PRAG1: variants seen among roughly 807,000 people sequenced by gnomAD.
PRAG1 encodes the protein inactive tyrosine-protein kinase PRAG1.
A neutral mutation model predicts 95.6 loss-of-function variants in PRAG1; 110 were observed. The observed-to-expected ratio is 1.15, with a 90% CI of 0.99 to 1.35. The LOEUF is 1.35. Among genes scored for constraint, PRAG1 ranks in the 40% most tolerant of loss-of-function variants. PRAG1 has a pLI of 0.00. For missense variants in PRAG1, 2,554 were observed against 1,864.7 expected (o/e 1.37, Z -6.81); for synonymous variants, 1,052 against 819.4 (o/e 1.28, Z -4.85).
chr8:8,369,106 A>C (rs1363806202), intron 3 of PRAG1, among the ~76,000 whole-genome samples: 1 of 152,076 alleles, frequency 6.6e-6, no homozygotes, highest in East Asian at 1.9e-4. Context: ...TGTTCTGTTG[A>C]GCGAGAATAG....
chr8:8,345,285 C>A (rs1224325081), intron 3 of PRAG1, among the ~76,000 whole-genome samples: 2 of 149,082 alleles, frequency 1.3e-5, no homozygotes, highest in African/African-American at 5.0e-5. Flanking sequence ...AATCCCAGCA[C>A]TTTAGGAGGC....
chr8:8,327,288 G>A (rs1285929777), intron 5 of PRAG1, among the ~76,000 whole-genome samples: 3 of 152,198 alleles, frequency 2.0e-5, no homozygotes, highest in Non-Finnish European at 4.4e-5. Context: ...AATGCTTAGG[G>A]GTCAGGGGTG....
chr8:8,383,850 A>G (rs986006390), intron 1 of PRAG1, among the ~76,000 whole-genome samples: 7 of 152,308 alleles, frequency 4.6e-5, no homozygotes, highest in African/African-American at 1.7e-4. Flanking sequence ...ATCTCAGGCC[A>G]CAGAGAACTG....
intron 3 of PRAG1, among the ~76,000 whole-genome samples, chr8:8,349,607 G>A (rs1799455112): frequency 6.6e-6 from 1 of 152,020 alleles, no homozygotes; most frequent in African/African-American, 2.4e-5. Context: ...TATCGTTGGA[G>A]CTTTTTGATG....
chr8:8,354,007 C>G (rs2945920), intron 3 of PRAG1, among the ~76,000 whole-genome samples: 1 of 151,746 alleles, frequency 6.6e-6, no homozygotes, highest in East Asian at 1.9e-4. Flanking sequence ...AGAATTGGTT[C>G]TTTGAAAAAA....
At chr8:8,341,825 A>T in intron 3 of PRAG1, among the ~76,000 whole-genome samples, 1 of 152,222 alleles carries the variant, frequency 6.6e-6, no homozygotes, top group East Asian at 1.9e-4. Context: ...TTGGATATAA[A>T]GGTTAAAATA....
At chr8:8,385,004 C>G (rs1379391481) in intron 1 of PRAG1, among the ~76,000 whole-genome samples, 2 of 152,134 alleles carry the variant, frequency 1.3e-5, no homozygotes, top group Non-Finnish European at 2.9e-5. Context: ...CACCCCATTT[C>G]AAAAAAGAAT....
chr8:8,324,620 G>T (rs1245333648), intron 5 of PRAG1, among the ~76,000 whole-genome samples: 1 of 152,072 alleles, frequency 6.6e-6, no homozygotes, highest in Admixed American at 6.5e-5. Context: ...CCCTGCACTC[G>T]GATTTTTAGC....
chr8:8,381,383 C>G (rs991164692), intron 2 of PRAG1, 35 bp downstream of exon 2: 10 of 1,570,604 alleles, frequency 6.4e-6, no homozygotes, highest in Non-Finnish European at 8.7e-6. Context: ...AGGAGCAGCC[C>G]CTGTAAAAAT....
At chr8:8,331,098 T>A (rs77829754) in intron 4 of PRAG1, among the ~76,000 whole-genome samples, 1 of 152,262 alleles carries the variant, frequency 6.6e-6, no homozygotes, top group Non-Finnish European at 1.5e-5. Flanking sequence ...TGGGGTGTGA[T>A]CAGAACCCTG....
chr8:8,318,386 C>A lies in PRAG1; in HGVS notation c.3989G>T (p.Trp1330Leu), dbSNP rs1295397013. The A allele has an allele frequency of 6.2e-7, 1 of 1,613,430 alleles. No homozygotes were observed. Among genetic ancestry groups the A allele is most frequent in the Admixed American group, 1.7e-5 (1 of 59,982 alleles). The change falls in exon 6 of 6, where the codon TGG becomes TTG. Residue 1330 changes from tryptophan to leucine, a missense_variant. Trp to Leu is a moderately conservative substitution (Grantham distance 61). Coordinates refer to ENST00000615670, the MANE Select transcript of PRAG1 (RefSeq NM_001080826.3). The surrounding 1 kb of genome is among the most constrained non-coding windows in gnomAD (Gnocchi z 4.2). The stretch of plus-strand genomic sequence containing the variant: ...CTGCACCAGCTCGCGCCGAGGCCCC[C>A]ACAGCAGGCACTGCAGCACGCGCTT... ...EAKRVLQCLL[W>L]GPRRELVQQP... is the part of the protein sequence containing the mutation.
intron 5 of PRAG1, among the ~76,000 whole-genome samples, chr8:8,326,431 T>C (rs1386505277): frequency 6.6e-6 from 1 of 152,144 alleles, no homozygotes; most frequent in Non-Finnish European, 1.5e-5. Flanking sequence ...TGAGAGAAGA[T>C]AGCTCAGGGT....
In PRAG1 at chr8:8,381,748, C is replaced by A; in HGVS notation, c.-1G>T. ...GGTTCAGGCAGAGGGTCTGGTGCAT[C>A]TTGAGCCGACAGGGTGCTGGTTCAT... On this transcript the variant is annotated 5_prime_UTR_variant, in exon 2 of 6. Coordinates refer to ENST00000615670, the MANE Select transcript of PRAG1 (RefSeq NM_001080826.3). 6.4e-7 allele frequency: 1 copy of A among 1,573,172 alleles called. No homozygotes were observed. The highest frequency in any genetic ancestry group is 1.2e-5 in the South Asian group (1 of 85,266).
rs1410051165 is a variant in PRAG1, at chr8:8,317,942, CAG to C, written c.*210_*211del. On this transcript the variant is annotated 3_prime_UTR_variant, in exon 6 of 6. Coordinates refer to ENST00000615670, the MANE Select transcript of PRAG1 (RefSeq NM_001080826.3). Reference sequence around the variant, plus strand: ...AGAAGAAAACAGGGAGGACTTAGTGCAGAGAGGAGACGAGTGTGGACGGGCAA... The same window carrying C: ...AGAAGAAAACAGGGAGGACTTAGTGCAGAGGAGACGAGTGTGGACGGGCAA... 1.1e-5 allele frequency: 4 copies of C among 356,022 alleles called. No homozygotes were observed. The Admixed American group carries it at 1.7e-4, about 15-fold the overall frequency. 22.1% of individuals were successfully genotyped at this position (356,022 alleles called of 1,614,324 possible). A position where few individuals can be genotyped will look rare whatever the true frequency, so the allele number is the denominator to read the frequency against.
At chr8:8,384,022 G>C (rs2116956578) in intron 1 of PRAG1, among the ~76,000 whole-genome samples, 1 of 152,334 alleles carries the variant, frequency 6.6e-6, no homozygotes, top group Admixed American at 6.5e-5. Context: ...ACTGCAGGCA[G>C]ATGCTCCCAT....
chr8:8,338,643 A>G (rs964005725), intron 4 of PRAG1, among the ~76,000 whole-genome samples: 1 of 152,228 alleles, frequency 6.6e-6, no homozygotes, highest in Non-Finnish European at 1.5e-5. Flanking sequence ...CTGACTTATA[A>G]CACACTCTTT....
At chr8:8,360,815 T>C (rs1799821116) in intron 3 of PRAG1, among the ~76,000 whole-genome samples, 1 of 152,204 alleles carries the variant, frequency 6.6e-6, no homozygotes, top group South Asian at 2.1e-4. Context: ...GATTGCTGAA[T>C]CCCCTTGATT....
At chr8:8,325,268 T>G (rs192037629) in intron 5 of PRAG1, among the ~76,000 whole-genome samples, 18 of 152,334 alleles carry the variant, frequency 1.2e-4, no homozygotes. Context: ...ATTTGCAAAT[T>G]AATATTGTTC....
intron 3 of PRAG1, among the ~76,000 whole-genome samples, chr8:8,359,667 G>A (rs919654935): frequency 2.6e-5 from 4 of 152,186 alleles, no homozygotes; most frequent in East Asian, 1.9e-4. Context: ...AAAGGAATAC[G>A]GTATTGCTTT....
Sources: gnomAD v4.1 joint callset for allele counts (sites outside exome capture counted in the v4.1 genomes callset) on GRCh38, gnomAD v4.1.1 for gene constraint, Gnocchi (gnomAD v3.1) non-coding constraint, MANE v1.5 for transcripts, NCBI Gene and HGNC (gene_info 2026-07-23, HGNC 2026-07-21) for gene names.